GULP1: variants seen among roughly 807,000 people sequenced by gnomAD.
GULP1 encodes the protein GULP PTB domain containing engulfment adaptor 1, also known as PTB domain-containing engulfment adapter protein 1.
Under a neutral mutation model 40.9 loss-of-function variants are expected in GULP1, and 19 were observed. The ratio of observed to expected loss-of-function variants is 0.46; its 90% CI spans 0.32 to 0.68. The LOEUF (loss-of-function observed/expected upper bound fraction) is 0.68. GULP1 is among the 30% of genes least tolerant of loss of function. GULP1 has a pLI of 0.03. For missense variants in GULP1, 312 were observed against 362.2 expected, an observed-to-expected ratio of 0.86 and a Z score of 1.12; for synonymous variants, 119 against 117.6, an observed-to-expected ratio of 1.01 and a Z score of -0.08.
intron 1 of GULP1, among the ~76,000 whole-genome samples, chr2:188,340,250 C>A (rs567371114): frequency 6.6e-6 from 1 of 152,204 alleles, no homozygotes; most frequent in East Asian, 1.9e-4. Flanking sequence ...TAAAGAAATA[C>A]CTGAGACTGG....
intron 2 of GULP1, among the ~76,000 whole-genome samples, chr2:188,403,923 G>T (rs2152667708): frequency 6.6e-6 from 1 of 152,292 alleles, no homozygotes; most frequent in South Asian, 2.1e-4. Context: ...GTATTCAGAT[G>T]ATTAGCAATG....
intron 6 of GULP1, among the ~76,000 whole-genome samples, chr2:188,540,178 A>G (rs1316602031): frequency 6.6e-6 from 1 of 152,052 alleles, no homozygotes; most frequent in Non-Finnish European, 1.5e-5. Flanking sequence ...TATATTTATG[A>G]CTACAACAGA....
rs538483759 is a variant in GULP1 at position 188,537,307 on chromosome 2, T to C, written c.262-3874T>C. On this transcript the variant is annotated intron_variant, in intron 6 of 11. Transcript: ENST00000409830. ...TCCAGCTTTTGCCGGTTCAGTATTA[T>C]GTTGGCTCTGGGTTGGTCATAGATG... 3.3e-5 allele frequency among the ~76,000 whole-genome samples: 5 copies of C among 152,242 alleles called. No homozygotes were observed. In the East Asian group the frequency reaches 9.7e-4, roughly 29 times the overall value.
At chr2:188,528,602 T>A (rs1378408488) in intron 5 of GULP1, among the ~76,000 whole-genome samples, 2 of 152,184 alleles carry the variant, frequency 1.3e-5, no homozygotes, top group Non-Finnish European at 2.9e-5. Flanking sequence ...ATTACTTCAA[T>A]TCTTAGCTTC....
chr2:188,595,232 T>G lies in GULP1; in HGVS notation c.*1221T>G, dbSNP rs1225419323. The G allele has an allele frequency of 3.3e-5, 5 of 151,632 alleles. No individual in the cohort carries two copies. The highest frequency in any genetic ancestry group is 2.1e-4 in the South Asian group (1 of 4,836). 9.4% of individuals were successfully genotyped at this position (151,632 alleles called of 1,614,324 possible). ...AATTTGTACTCAGTAAAACAAAAATTTATGGTCAAAATTTCTAACTTGGTT... is the reference window on the plus strand; with the variant it reads ...AATTTGTACTCAGTAAAACAAAAATGTATGGTCAAAATTTCTAACTTGGTT... On this transcript the variant is annotated 3_prime_UTR_variant, in exon 12 of 12. Transcript: ENST00000409830.
intron 1 of GULP1, among the ~76,000 whole-genome samples, chr2:188,352,616 T>TCACACACA (rs1179352194): frequency 0.013 from 1,026 of 76,004 alleles, 9 homozygotes; most frequent in African/African-American, 0.025. Flanking sequence ...TCTCTCTCTC[T>TCACACACA]CTCACACACA....
chr2:188,402,726 T>C (rs1303386635), intron 2 of GULP1, among the ~76,000 whole-genome samples: 1 of 152,010 alleles, frequency 6.6e-6, no homozygotes, highest in African/African-American at 2.4e-5. Flanking sequence ...GGCCTTTTCT[T>C]TCCCCCTTCT....
chr2:188,350,683 G>T (rs2044333158), intron 1 of GULP1, among the ~76,000 whole-genome samples: 1 of 151,416 alleles, frequency 6.6e-6, no homozygotes, highest in South Asian at 2.1e-4. Flanking sequence ...TAAATTTGTA[G>T]GTTCAAATTT....
intron 2 of GULP1, among the ~76,000 whole-genome samples, chr2:188,465,675 T>C (rs1224451008): frequency 6.6e-6 from 1 of 152,128 alleles, no homozygotes; most frequent in East Asian, 1.9e-4. Flanking sequence ...TTCTCCCTCC[T>C]TGGGCGAGCG....
intron 7 of GULP1, 67 bp downstream of exon 7, chr2:188,541,385 G>T: frequency 7.7e-7 from 1 of 1,304,714 alleles, no homozygotes. Context: ...CTTGCTTCTG[G>T]CATTGGCAAA....
intron 1 of GULP1, among the ~76,000 whole-genome samples, chr2:188,310,004 A>G (rs1291443299): frequency 6.6e-6 from 1 of 152,164 alleles, no homozygotes; most frequent in Non-Finnish European, 1.5e-5. Flanking sequence ...CTGCTTCATA[A>G]AGTTTGTTTT....
At chr2:188,296,200 T>G (rs2034894244) in intron 1 of GULP1, among the ~76,000 whole-genome samples, 1 of 151,960 alleles carries the variant, frequency 6.6e-6, no homozygotes. Flanking sequence ...TAAAATATAC[T>G]CAGATTGGAA....
chr2:188,564,484 A>G (rs1406555516), intron 7 of GULP1, among the ~76,000 whole-genome samples: 1 of 151,924 alleles, frequency 6.6e-6, no homozygotes, highest in Non-Finnish European at 1.5e-5. Flanking sequence ...TTACCGTAGC[A>G]TCAGGAAACA....
At chr2:188,523,994 G>T (rs1162354477) in intron 5 of GULP1, among the ~76,000 whole-genome samples, 1 of 151,950 alleles carries the variant, frequency 6.6e-6, no homozygotes, top group East Asian at 1.9e-4. Flanking sequence ...CCTTTTATTG[G>T]CCACTAGTTT....
chr2:188,532,243 C>CA (rs1286038127), intron 6 of GULP1, among the ~76,000 whole-genome samples: 9 of 152,052 alleles, frequency 5.9e-5, no homozygotes, highest in Non-Finnish European at 1.0e-4. Flanking sequence ...TGGAATGTTT[C>CA]AAATTTTTTG....
chr2:188,470,702 T>C (rs927323244), intron 2 of GULP1, among the ~76,000 whole-genome samples: 1 of 152,178 alleles, frequency 6.6e-6, no homozygotes, highest in African/African-American at 2.4e-5. Context: ...TGTTTAATTT[T>C]CATATATTTG....
chr2:188,406,000 C>T lies in GULP1; in HGVS notation c.-45+22111C>T, dbSNP rs1029753046. ...ACCAACTGAAAGAGAATTAAAAATA[C>T]GGTCATGTCACTTAAGGATGTAGAT... On this transcript the variant is annotated intron_variant, in intron 2 of 11. Coordinates refer to ENST00000409830, the MANE Select transcript of GULP1 (RefSeq NM_016315.4). Among the ~76,000 whole-genome samples, 13 of 152,268 alleles carry T rather than the reference C, an allele frequency of 8.5e-5. No individual in the cohort carries two copies. The South Asian group carries it at 1.2e-3, about 15-fold the overall frequency.
chr2:188,415,407 G>A (rs369490118), intron 2 of GULP1, among the ~76,000 whole-genome samples: 1 of 152,026 alleles, frequency 6.6e-6, no homozygotes, highest in East Asian at 1.9e-4. Context: ...AAATGTAGCT[G>A]GAGATACTGA....
chr2:188,470,963 GTTAAT>G (rs1227398599), intron 2 of GULP1, among the ~76,000 whole-genome samples: 1 of 151,690 alleles, frequency 6.6e-6, no homozygotes, highest in African/African-American at 2.4e-5. Context: ...AAGTTGCTTT[GTTAAT>G]TTTTTGTCTG....
Sources: gnomAD v4.1 joint callset for allele counts (sites outside exome capture counted in the v4.1 genomes callset) on GRCh38, gnomAD v4.1.1 for gene constraint, MANE v1.5 for transcripts, NCBI Gene and HGNC (gene_info 2026-07-23, HGNC 2026-07-21) for gene names.